The following DOCK2 variants were observed in gnomAD, a reference collection of about 807,000 sequenced individuals.
DOCK2 encodes the protein dedicator of cytokinesis protein 2.
In DOCK2, 87 loss-of-function variants were observed where a neutral mutation model predicts 248.9. The ratio of observed to expected loss-of-function variants is 0.35; its 90% CI spans 0.29 to 0.42. The LOEUF (loss-of-function observed/expected upper bound fraction) is 0.42, where lower values mean the gene tolerates loss of function less well. Ranked by LOEUF, DOCK2 falls within the 10% of genes least tolerant of loss-of-function variation. The pLI is 1.00. For missense variants in DOCK2, 1,747 were observed against 2,300.2 expected (o/e 0.76, Z 4.92); for synonymous variants, 805 against 821.6 (o/e 0.98, Z 0.35).
At chr5:169,772,454 A>G (rs1765142595) in intron 25 of DOCK2, among the ~76,000 whole-genome samples, 2 of 152,224 alleles carry the variant, frequency 1.3e-5, no homozygotes, top group Admixed American at 1.3e-4. Context: ...AGTAAAAACA[A>G]CATCAGCAGT....
chr5:170,055,127 G>A (rs1339666546), intron 41 of DOCK2, among the ~76,000 whole-genome samples, 178 bp from the exon 42 acceptor site: 1 of 152,222 alleles, frequency 6.6e-6, no homozygotes, highest in Non-Finnish European at 1.5e-5. Flanking sequence ...GCACTGATAA[G>A]GACCTCAGTG....
In DOCK2 at chr5:169,637,330, G is replaced by A; in HGVS notation, c.4G>A (p.Ala2Thr). MAPWRKADKERH... is the reference protein window; with the variant it reads MTPWRKADKERH... ...GACGCGAGGCCCCGGCCCAGCCATG[G>A]CCCCCTGGCGCAAAGCTGACAAGGA... The change falls in exon 1 of 52, where the codon GCC (alanine) becomes ACC (threonine). Residue 2 changes from alanine to threonine, a missense_variant. This residue lies in a region of DOCK2 where 375 missense variants were observed against 510.9 expected (regional missense o/e 0.73). Transcript: ENST00000520908. The A allele has an allele frequency of 7.0e-7, 1 of 1,423,826 alleles. No homozygotes were observed. Among genetic ancestry groups the A allele is most frequent in the Non-Finnish European group, 9.2e-7 (1 of 1,090,694 alleles). 88.2% of individuals were successfully genotyped at this position (1,423,826 alleles called of 1,614,324 possible).
intron 27 of DOCK2, among the ~76,000 whole-genome samples, chr5:169,863,866 C>T (rs1296302626): frequency 2.0e-5 from 3 of 152,130 alleles, no homozygotes; most frequent in East Asian, 1.9e-4. Context: ...CTCTACCTTC[C>T]GGGTCTGCAC....
At chr5:169,904,520 G>A (rs1774159520) in intron 27 of DOCK2, among the ~76,000 whole-genome samples, 1 of 152,110 alleles carries the variant, frequency 6.6e-6, no homozygotes, top group Admixed American at 6.5e-5. Context: ...CTGAGGGAGT[G>A]AGGTGGGAAG....
chr5:170,044,006 A>G (rs1756609435), intron 38 of DOCK2, among the ~76,000 whole-genome samples: 1 of 152,224 alleles, frequency 6.6e-6, no homozygotes, highest in Non-Finnish European at 1.5e-5. Flanking sequence ...GTACTTTGAG[A>G]GCAGAGAGGA....
At chr5:169,766,007 A>G (rs1434974419) in intron 25 of DOCK2, among the ~76,000 whole-genome samples, 3 of 152,192 alleles carry the variant, frequency 2.0e-5, no homozygotes, top group Non-Finnish European at 4.4e-5. Context: ...TAATCAACAT[A>G]TCATTGCAGC....
At chr5:170,036,981 G>A (rs1462811799) in intron 36 of DOCK2, among the ~76,000 whole-genome samples, 1 of 152,160 alleles carries the variant, frequency 6.6e-6, no homozygotes, top group East Asian at 1.9e-4. Context: ...ATCCTTGTAG[G>A]CATTTAAATG....
chr5:170,014,641 G>C (rs577703025), intron 32 of DOCK2, among the ~76,000 whole-genome samples: 1 of 130,414 alleles, frequency 7.7e-6, no homozygotes, highest in Non-Finnish European at 1.6e-5. Context: ...ATGTGTTGGG[G>C]GGGGTAGACT....
At chr5:169,840,163 T>G (rs1452138152) in intron 26 of DOCK2, among the ~76,000 whole-genome samples, 3 of 152,166 alleles carry the variant, frequency 2.0e-5, no homozygotes, top group Admixed American at 1.3e-4. Flanking sequence ...ACACTTTTAC[T>G]CACGGTAGAA....
At chr5:170,031,794 C>T (rs976271615) in intron 34 of DOCK2, among the ~76,000 whole-genome samples, 1 of 152,182 alleles carries the variant, frequency 6.6e-6, no homozygotes, top group African/African-American at 2.4e-5. Flanking sequence ...ACCTTTCTTG[C>T]TCCATGCATA....
intron 27 of DOCK2, among the ~76,000 whole-genome samples, chr5:169,933,592 T>C (rs1206872339): frequency 2.6e-5 from 4 of 152,220 alleles, no homozygotes; most frequent in Admixed American, 6.5e-5. Context: ...GAATCTTTAG[T>C]CCAGCTCCTT....
At chr5:169,926,526 A>C (rs1775468247) in intron 27 of DOCK2, among the ~76,000 whole-genome samples, 2 of 152,216 alleles carry the variant, frequency 1.3e-5, no homozygotes, top group Non-Finnish European at 2.9e-5. Context: ...TGACTGAGAA[A>C]GATGAATCTG....
At chr5:169,841,937 G>A (rs986092117) in intron 27 of DOCK2, among the ~76,000 whole-genome samples, 1 of 152,086 alleles carries the variant, frequency 6.6e-6, no homozygotes, top group Non-Finnish European at 1.5e-5. Context: ...CAGTAAATAC[G>A]TTTGAATGAA....
intron 26 of DOCK2, among the ~76,000 whole-genome samples, chr5:169,823,427 C>A (rs1768613607): frequency 6.6e-6 from 1 of 152,158 alleles, no homozygotes; most frequent in Non-Finnish European, 1.5e-5. Flanking sequence ...CCACCGTGAT[C>A]AAGTGGGCTT....
intron 44 of DOCK2, among the ~76,000 whole-genome samples, chr5:170,061,256 G>C (rs1015809226): frequency 1.3e-5 from 2 of 152,218 alleles, no homozygotes; most frequent in African/African-American, 4.8e-5. Context: ...AGAGATTTGA[G>C]GGCTAGATTA....
chr5:170,027,829 T>G, intron 33 of DOCK2, 34 bp from the exon 34 acceptor site: 3 of 1,588,520 alleles, frequency 1.9e-6, no homozygotes, highest in Non-Finnish European at 2.6e-6. Flanking sequence ...AGCCTTCTGA[T>G]GTTATTGTTG....
Position 169,658,559 on chromosome 5 carries a change from A to G in DOCK2, c.127+4073A>G, listed in dbSNP as rs558432678. Reference sequence around the variant, plus strand: ...TTTTTATGAGAGTATTTTAAAAACCATATTTTATCTTTTTATCTCTCTGTC... The same window carrying G: ...TTTTTATGAGAGTATTTTAAAAACCGTATTTTATCTTTTTATCTCTCTGTC... On this transcript the variant is annotated intron_variant, in intron 2 of 51. Transcript: ENST00000520908. Among the ~76,000 whole-genome samples the G allele has an allele frequency of 4.6e-5, 7 of 151,832 alleles. No individual in the cohort carries two copies. In the East Asian group the frequency reaches 5.8e-4, roughly 13 times the overall value.
chr5:169,643,086 A>G (rs1205036754), intron 1 of DOCK2, among the ~76,000 whole-genome samples: 3 of 152,182 alleles, frequency 2.0e-5, no homozygotes, highest in African/African-American at 7.2e-5. Context: ...TGTTCCCTTT[A>G]ATAGGCACTT....
chr5:169,900,576 T>C (rs191738733), intron 27 of DOCK2, among the ~76,000 whole-genome samples: 2 of 152,328 alleles, frequency 1.3e-5, no homozygotes, highest in Admixed American at 6.5e-5. Flanking sequence ...AACCTAAATG[T>C]CGAGTCTCTC....
Sources: allele counts gnomAD v4.1 joint callset (sites outside exome capture counted in the v4.1 genomes callset), GRCh38; gene constraint gnomAD v4.1.1; regional missense constraint gnomAD v4.1.1; transcripts MANE v1.5; gene names NCBI Gene and HGNC (gene_info 2026-07-23, HGNC 2026-07-21).